The following ANK1 variants were observed in gnomAD, a reference collection of about 807,000 sequenced individuals.
ANK1 encodes the protein ankyrin-1.
A neutral mutation model predicts 210.4 loss-of-function variants in ANK1; 51 were observed. The observed-to-expected ratio is 0.24, with a 90% CI of 0.19 to 0.31. The LOEUF (loss-of-function observed/expected upper bound fraction) is 0.31. Ranked by LOEUF, ANK1 falls within the 10% of genes least tolerant of loss-of-function variation. ANK1 has a pLI of 1.00. For synonymous variants in ANK1, 967 were observed against 1,025.9 expected (o/e 0.94, Z 1.10); for missense variants, 2,051 against 2,504.4 (o/e 0.82, Z 3.86).
Position 41,708,789 on chromosome 8 carries a change from G to C in ANK1, c.1987C>G (p.Leu663Val), listed in dbSNP as rs773211248. The C allele has an allele frequency of 4.0e-5, 65 of 1,613,836 alleles. No individual in the cohort carries two copies. Among genetic ancestry groups the C allele is most frequent in the Non-Finnish European group, 5.4e-5 (64 of 1,180,046 alleles). ...GACACCATGCCTACCTTGTTCCCCAGGTTGCCATTGGCTTGTTTCGAGAGC... is the reference window on the plus strand; with the variant it reads ...GACACCATGCCTACCTTGTTCCCCACGTTGCCATTGGCTTGTTTCGAGAGC... ...LLLSKQANGN[L>V]GNKSGLTPLH... The change falls in exon 17 of 43, where the codon CTG becomes GTG. Residue 663 changes from leucine (L) to valine (V), a missense_variant. Physicochemically the swap from Leu to Val is conservative, Grantham distance 32 (BLOSUM62 1). Transcript: ENST00000289734.
intron 1 of ANK1, among the ~76,000 whole-genome samples, chr8:41,765,855 T>C (rs1203336826): frequency 6.6e-6 from 1 of 152,124 alleles, no homozygotes. Flanking sequence ...CGCTGCAGAA[T>C]GTCAACATGC....
At chr8:41,878,520 G>A (rs1052447646) in intron 1 of ANK1, among the ~76,000 whole-genome samples, 13 of 152,190 alleles carry the variant, frequency 8.5e-5, no homozygotes, top group East Asian at 5.8e-4. Flanking sequence ...AGATCAAATC[G>A]CACTCAAGGT....
intron 1 of ANK1, among the ~76,000 whole-genome samples, chr8:41,868,291 C>T (rs1469198859): frequency 3.9e-5 from 6 of 152,180 alleles, no homozygotes; most frequent in African/African-American, 9.7e-5. Context: ...GAAGGGTGTT[C>T]GGTATCTCTG....
intron 17 of ANK1, among the ~76,000 whole-genome samples, chr8:41,706,845 T>C (rs1210805342): frequency 6.6e-6 from 1 of 152,220 alleles, no homozygotes; most frequent in African/African-American, 2.4e-5. Context: ...ATGCCTGTCA[T>C]CCCAGCACTT....
intron 1 of ANK1, among the ~76,000 whole-genome samples, chr8:41,840,800 A>G (rs1808750046): frequency 6.6e-6 from 1 of 152,220 alleles, no homozygotes. Flanking sequence ...ACTGAATTCC[A>G]TAAGAGTATA....
intron 1 of ANK1, among the ~76,000 whole-genome samples, chr8:41,770,716 AG>A (rs1463830607): frequency 2.6e-5 from 4 of 152,262 alleles, no homozygotes; most frequent in Admixed American, 6.5e-5. Context: ...AAACTTAGGC[AG>A]GCGATGAGTC....
At chr8:41,763,148 A>C (rs1200997537) in intron 1 of ANK1, among the ~76,000 whole-genome samples, 2 of 150,210 alleles carry the variant, frequency 1.3e-5, no homozygotes, top group Non-Finnish European at 3.0e-5. Flanking sequence ...CCTGGGAGGC[A>C]GTTTGCAGTG....
rs200742602 is a variant in ANK1 at position 41,661,556 on chromosome 8, C to G, written c.5553G>C (p.Leu1851=). 6.2e-7 allele frequency: 1 copy of G among 1,614,022 alleles called. No individual in the cohort carries two copies. The highest frequency in any genetic ancestry group is 2.2e-5 in the East Asian group (1 of 44,888). The change falls in exon 42 of 43, where the codon CTG becomes CTC. Residue 1851 remains leucine (L), a synonymous_variant. Transcript: ENST00000289734. ...DAAQEHEEVE[L]RGSGLQPDLI... ...GGTCCGGCTGTAGGCCACTCCCTCTCAGCTCCACCTGCAGACAGCAGCAGA... is the reference window on the plus strand; with the variant it reads ...GGTCCGGCTGTAGGCCACTCCCTCTGAGCTCCACCTGCAGACAGCAGCAGA...
intron 9 of ANK1, among the ~76,000 whole-genome samples, 161 bp from the exon 10 acceptor site, chr8:41,720,019 T>A (rs1375276803): frequency 6.6e-6 from 1 of 152,154 alleles, no homozygotes; most frequent in Non-Finnish European, 1.5e-5. Flanking sequence ...CTCCTGCCGG[T>A]CTCTGACCAC....
intron 1 of ANK1, among the ~76,000 whole-genome samples, chr8:41,841,318 G>A (rs1013831530): frequency 6.6e-6 from 1 of 152,192 alleles, no homozygotes; most frequent in Non-Finnish European, 1.5e-5. Flanking sequence ...CCACTTAAAC[G>A]GGGAACTAAA....
At chr8:41,848,138 T>C (rs976907345) in intron 1 of ANK1, among the ~76,000 whole-genome samples, 3 of 151,720 alleles carry the variant, frequency 2.0e-5, no homozygotes, top group African/African-American at 7.3e-5. Context: ...TGAGCTGAGA[T>C]CATGCCACTG....
At chr8:41,726,295 A>G (rs940336309) in intron 5 of ANK1, among the ~76,000 whole-genome samples, 1 of 152,186 alleles carries the variant, frequency 6.6e-6, no homozygotes, top group African/African-American at 2.4e-5. Context: ...TGCTGGTACC[A>G]GGATAGTGCC....
At chr8:41,717,725 C>T in intron 11 of ANK1, 23 bp from the exon 12 acceptor site, 1 of 1,537,144 alleles carries the variant, frequency 6.5e-7, no homozygotes, top group Non-Finnish European at 8.8e-7. Flanking sequence ...AAGGCAGAGT[C>T]CGATAAGTGG....
chr8:41,686,520 T>C (rs1490340610), intron 35 of ANK1, among the ~76,000 whole-genome samples: 3 of 152,186 alleles, frequency 2.0e-5, no homozygotes, highest in African/African-American at 7.2e-5. Context: ...GGGTGTTTGT[T>C]AAATAGGTCC....
At chr8:41,825,332 T>G (rs1242408061) in intron 1 of ANK1, among the ~76,000 whole-genome samples, 1 of 152,228 alleles carries the variant, frequency 6.6e-6, no homozygotes. Flanking sequence ...TGATCAATAC[T>G]CTATTAATCT....
At chr8:41,713,372 C>G (rs948286654) in intron 16 of ANK1, among the ~76,000 whole-genome samples, 1 of 152,192 alleles carries the variant, frequency 6.6e-6, no homozygotes, top group Non-Finnish European at 1.5e-5. Flanking sequence ...AGCAGGCAGC[C>G]TGTTCCCAAA....
intron 1 of ANK1, among the ~76,000 whole-genome samples, chr8:41,835,579 AG>A (rs1225224339): frequency 6.6e-6 from 1 of 151,908 alleles, no homozygotes; most frequent in Non-Finnish European, 1.5e-5. Flanking sequence ...CCAGGTTTTG[AG>A]GGGGCGAGGG....
intron 4 of ANK1, 29 bp from the exon 5 acceptor site, chr8:41,727,377 A>G (rs757258121): frequency 1.0e-5 from 16 of 1,531,180 alleles, no homozygotes; most frequent in Middle Eastern, 1.7e-4. Flanking sequence ...CATCATTAGC[A>G]TCCACCCGCA....
At chr8:41,690,428 C>T (rs1272823123) in intron 32 of ANK1, 46 bp downstream of exon 32, 2 of 1,614,074 alleles carry the variant, frequency 1.2e-6, no homozygotes, top group African/African-American at 2.7e-5. Flanking sequence ...TCTGCCTCCC[C>T]AACTTTCTAG....
Sources: allele counts gnomAD v4.1 joint callset (sites outside exome capture counted in the v4.1 genomes callset), GRCh38; gene constraint gnomAD v4.1.1; transcripts MANE v1.5; gene names NCBI Gene and HGNC (gene_info 2026-07-23, HGNC 2026-07-21).